SH2D7: variants seen among roughly 807,000 people sequenced by gnomAD.
SH2D7 encodes SH2 domain containing 7.
SH2D7 carries 32 observed loss-of-function variants against 40.8 expected under a neutral mutation model. That is an observed-to-expected ratio of 0.78 (90% CI 0.59 to 1.05). SH2D7 has a LOEUF of 1.05. Among genes scored for constraint, SH2D7 ranks in the 50% least tolerant of loss-of-function variants. The probability of loss-of-function intolerance (pLI) is 0.00; values close to 1 mark genes in which losing one functional copy is unlikely to be tolerated. For synonymous variants in SH2D7, 195 were observed against 221.5 expected (o/e 0.88, Z 1.06); for missense variants, 559 against 566.6 (o/e 0.99, Z 0.14).
chr15:78,091,778 A>G (rs890359251), upstream of SH2D7, among the ~76,000 whole-genome samples: 3 of 152,184 alleles, frequency 2.0e-5, no homozygotes, highest in East Asian at 1.9e-4. Flanking sequence ...AATCTGCAAC[A>G]AAGTCCCACC....
At position 78,101,073 on chromosome 15, in the gene SH2D7, T is replaced by C. The variant is rs1485969699; in HGVS notation, c.820T>C (p.Tyr274His). The change falls in exon 5 of 6, where the codon TAC (tyrosine) becomes CAC (histidine). Residue 274 changes from tyrosine (Y) to histidine (H), a missense_variant. Physicochemically the swap from Tyr to His is moderately conservative, Grantham distance 83 (BLOSUM62 2). Transcript: ENST00000328828. ...GCCAGTTCCAGCTGGCAGCCAGGCC[T>C]ACTCCCCAGGCAGGGAGGCCCAAAG... ...HGPVPAGSQA[Y>H]SPGREAQRRL... The C allele has an allele frequency of 1.3e-6, 2 of 1,599,496 alleles. No homozygotes were observed.
At chr15:78,091,360 C>T (rs1000568180), upstream of SH2D7, 12 of 152,194 alleles carry the variant, frequency 7.9e-5, no homozygotes, top group African/African-American at 2.9e-4. Context: ...TCACTTAGTC[C>T]TCATAATGAC....
intron 4 of SH2D7, among the ~76,000 whole-genome samples, chr15:78,100,551 C>T (rs903933537): frequency 2.6e-5 from 4 of 152,004 alleles, no homozygotes; most frequent in South Asian, 2.1e-4. Context: ...ACAAAAATTA[C>T]CTGGGCATGA....
intron 5 of SH2D7, among the ~76,000 whole-genome samples, chr15:78,102,078 C>A (rs2074021623): frequency 6.6e-6 from 1 of 152,042 alleles, no homozygotes; most frequent in African/African-American, 2.4e-5. Flanking sequence ...ATGGCAAAAT[C>A]CCATCTCTAT....
chr15:78,098,332 A>T, intron 3 of SH2D7, 52 bp from the exon 4 acceptor site: 1 of 1,595,288 alleles, frequency 6.3e-7, no homozygotes, highest in Non-Finnish European at 8.6e-7. Flanking sequence ...AGGCAGCTGG[A>T]GACTGGCTGG....
Position 78,101,766 on chromosome 15 carries a change from G to C in SH2D7, c.1305+208G>C, listed in dbSNP as rs148715843. On this transcript the variant is annotated intron_variant, in intron 5 of 5. Transcript: ENST00000328828. ...TGCTAGATTTGGATGTAAGATGGGG[G>C]CTTCCAGGCCCTTCTAAGGGCATTC... Among the ~76,000 whole-genome samples, 1,064 of 152,270 alleles carry C rather than the reference G, an allele frequency of 7.0e-3. 16 individuals are homozygous for C. Among genetic ancestry groups the C allele is most frequent in the African/African-American group, 0.025 (1,036 of 41,550 alleles).
chr15:78,095,660 A>C (rs1282162071), intron 2 of SH2D7, among the ~76,000 whole-genome samples: 4 of 152,236 alleles, frequency 2.6e-5, no homozygotes, highest in African/African-American at 4.8e-5. Flanking sequence ...TCGTAGATCC[A>C]AGAAAGAAAA....
intron 2 of SH2D7, among the ~76,000 whole-genome samples, chr15:78,096,986 A>G (rs2073975779): frequency 6.6e-6 from 1 of 152,206 alleles, no homozygotes; most frequent in Non-Finnish European, 1.5e-5. Flanking sequence ...GAAACTACCT[A>G]AATGTCTATC....
In SH2D7 at chr15:78,098,536, C is replaced by T; in HGVS notation, c.585C>T (p.Leu195=). Residue 195 remains leucine, a synonymous_variant, in exon 4 of 6, where the codon CTC becomes CTT. Coordinates refer to ENST00000328828, the MANE Select transcript of SH2D7 (RefSeq NM_001101404.2). ...CTCCAAAGCCCCAGGTCTCCTTCCT[C>T]CATGCACAGAAAAGCCTGGATGTGA... is the stretch of plus-strand genomic sequence containing the variant. ...RSSPKPQVSF[L]HAQKSLDVSP... 6.2e-7 allele frequency: 1 copy of T among 1,614,060 alleles called. No individual in the cohort carries two copies. Among genetic ancestry groups the T allele is most frequent in the African/African-American group, 1.3e-5 (1 of 75,064 alleles).
chr15:78,091,004 C>A (rs1427429712), upstream of SH2D7, among the ~76,000 whole-genome samples: 1 of 152,142 alleles, frequency 6.6e-6, no homozygotes, highest in African/African-American at 2.4e-5. Context: ...CACCCAGTCC[C>A]CAAGGTAACC....
chr15:78,092,795 C>A (rs763369728), intron 1 of SH2D7, 35 bp downstream of exon 1: 1 of 1,580,746 alleles, frequency 6.3e-7, no homozygotes, highest in South Asian at 1.2e-5. Context: ...CCCTCATAGC[C>A]CACAGCCCCT....
At position 78,092,665 on chromosome 15, in the gene SH2D7, G is replaced by T. The variant is rs1431938402; in HGVS notation, c.81G>T (p.Gln27His). ...ACAGCCAGGCCCTGGCTGAGCTCCA[G>T]GAGCTTGCCCTGAAGTGGTTCATGG... ...AGDSQALAELQELALKWFMET... is the reference protein window; with the variant it reads ...AGDSQALAELHELALKWFMET... The change falls in exon 1 of 6, where the codon CAG (glutamine) becomes CAT (histidine). Residue 27 changes from glutamine (Q) to histidine (H), a missense_variant. Coordinates refer to ENST00000328828, the MANE Select transcript of SH2D7 (RefSeq NM_001101404.2). 1 of 1,579,756 alleles carries T rather than the reference G, an allele frequency of 6.3e-7. No homozygotes were observed. The highest frequency in any genetic ancestry group is 1.3e-5 in the African/African-American group (1 of 74,160).
intron 5 of SH2D7, 107 bp downstream of exon 5, chr15:78,101,665 C>T (rs1457958058): frequency 7.0e-6 from 9 of 1,293,398 alleles, no homozygotes; most frequent in Non-Finnish European, 9.3e-6. Flanking sequence ...ACCGCCACTG[C>T]CTGGAAGTAC....
chr15:78,092,439 G>T, upstream of SH2D7: 1 of 870,506 alleles, frequency 1.1e-6, no homozygotes, highest in East Asian at 2.7e-5. Flanking sequence ...GAGAGAACCA[G>T]CCACCAGCCC....
intron 1 of SH2D7, among the ~76,000 whole-genome samples, chr15:78,093,571 C>A (rs569335086): frequency 2.6e-5 from 4 of 152,206 alleles, no homozygotes; most frequent in Non-Finnish European, 5.9e-5. Context: ...GTATTTGGCA[C>A]CATGTGGAAA....
chr15:78,092,409 C>T (rs575901690), upstream of SH2D7, among the ~76,000 whole-genome samples: 180 of 152,268 alleles, frequency 1.2e-3, no homozygotes, highest in Non-Finnish European at 2.1e-3. Flanking sequence ...GCCAAGGTGC[C>T]CCACCCCAAA....
chr15:78,091,157 G>C (rs970745608), upstream of SH2D7: 5 of 152,156 alleles, frequency 3.3e-5, no homozygotes, highest in African/African-American at 1.2e-4. Context: ...TGGGATTACA[G>C]GTCTGGCCTC....
In SH2D7 at chr15:78,103,751, T is replaced by C; in HGVS notation, c.*236T>C. On this transcript the variant is annotated 3_prime_UTR_variant, in exon 6 of 6. Coordinates refer to ENST00000328828, the MANE Select transcript of SH2D7 (RefSeq NM_001101404.2). ...CTGCTTTCCTTGTGCCTCCCATCCA[T>C]GCACAGGAGGGACTGGAGAGGAATG... 3.7e-6 allele frequency: 2 copies of C among 538,078 alleles called. No homozygotes were observed. Among genetic ancestry groups the C allele is most frequent in the Non-Finnish European group, 3.3e-6 (1 of 300,958 alleles). The allele number at this position is 538,078 out of a possible 1,614,324, so 33.3% of individuals were successfully genotyped here.
rs572959422 is a variant in SH2D7, at chr15:78,094,095, G to A, written c.177-17G>A. On this transcript the variant is annotated splice_polypyrimidine_tract_variant and intron_variant, in intron 1 of 5. Transcript: ENST00000328828. ...ATTAGGGCACAGACCCCAGCTAATGGCATGTCTTCTGCCCAGGCAGACGGA... is the reference window on the plus strand; with the variant it reads ...ATTAGGGCACAGACCCCAGCTAATGACATGTCTTCTGCCCAGGCAGACGGA... The A allele has an allele frequency of 1.4e-5, 22 of 1,595,576 alleles. No individual in the cohort carries two copies. In the African/African-American group the frequency reaches 2.5e-4, roughly 18 times the overall value.
Sources: allele counts gnomAD v4.1 joint callset (sites outside exome capture counted in the v4.1 genomes callset), GRCh38; gene constraint gnomAD v4.1.1; transcripts MANE v1.5; gene names NCBI Gene and HGNC (gene_info 2026-07-23, HGNC 2026-07-21).